OGFOD1: variants seen among roughly 807,000 people sequenced by gnomAD.
The protein encoded by OGFOD1 is prolyl 3-hydroxylase OGFOD1.
A neutral mutation model predicts 67.7 loss-of-function variants in OGFOD1; 54 were observed. The observed-to-expected ratio is 0.80, with a 90% CI of 0.64 to 1.00. The LOEUF is 1.00. Ranked by LOEUF, OGFOD1 falls within the 50% of genes least tolerant of loss-of-function variation. The probability of loss-of-function intolerance (pLI) is 0.00; values close to 1 mark genes in which losing one functional copy is unlikely to be tolerated. For missense variants in OGFOD1, 606 were observed against 646.7 expected, an observed-to-expected ratio of 0.94 and a Z score of 0.68; for synonymous variants, 221 against 227.0, an observed-to-expected ratio of 0.97 and a Z score of 0.24.
At position 56,476,271 on chromosome 16, in the gene OGFOD1, A is replaced by C; in HGVS notation, c.*66A>C. 6.7e-7 allele frequency: 1 copy of C among 1,486,072 alleles called. No homozygotes were observed. The highest frequency in any genetic ancestry group is 9.2e-7 in the Non-Finnish European group (1 of 1,092,386). The allele number at this position is 1,486,072 out of a possible 1,614,324, so 92.1% of individuals were successfully genotyped here. A position where few individuals can be genotyped will look rare whatever the true frequency, so the allele number is the denominator to read the frequency against. On this transcript the variant is annotated 3_prime_UTR_variant, in exon 13 of 13. Transcript: ENST00000566157. Reference sequence around the variant, plus strand: ...ATTACTGGGAAGTCTGAAAGAGCTAAGCATGGAGTCAAGGAGAACTACATG... The same window carrying C: ...ATTACTGGGAAGTCTGAAAGAGCTACGCATGGAGTCAAGGAGAACTACATG...
chr16:56,475,988 C>T, intron 12 of OGFOD1, 56 bp from the exon 13 acceptor site: 1 of 1,483,518 alleles, frequency 6.7e-7, no homozygotes, highest in Non-Finnish European at 9.2e-7. Flanking sequence ...GTTAATCATC[C>T]AAGATTTGAG....
intron 4 of OGFOD1, among the ~76,000 whole-genome samples, chr16:56,464,638 G>A (rs1253240578): frequency 1.3e-5 from 2 of 152,088 alleles, no homozygotes; most frequent in African/African-American, 4.8e-5. Flanking sequence ...TCATTATATT[G>A]ATGCTCATAC....
At position 56,477,369 on chromosome 16, in the gene OGFOD1, G is replaced by GC. The variant is rs1316922712; in HGVS notation, c.*1168dup. 1 of 152,108 alleles carries GC rather than the reference G, an allele frequency of 6.6e-6. No individual in the cohort carries two copies. The highest frequency in any genetic ancestry group is 1.5e-5 in the Non-Finnish European group (1 of 68,038). The allele number at this position is 152,108 out of a possible 1,614,324, so 9.4% of individuals were successfully genotyped here. On this transcript the variant is annotated 3_prime_UTR_variant, in exon 13 of 13. Coordinates refer to ENST00000566157, the MANE Select transcript of OGFOD1 (RefSeq NM_018233.4). ...GAAAGGGTCTGGCCTACCATCACAT[G>GC]CCCCAAGAAACTTCTGGTTGGTAAA...
intron 10 of OGFOD1, 133 bp from the exon 11 acceptor site, chr16:56,474,695 A>G: frequency 1.5e-6 from 1 of 653,348 alleles, no homozygotes; most frequent in Non-Finnish European, 2.5e-6. Context: ...TTGGTAGAAT[A>G]GCACTTCAAT....
intron 3 of OGFOD1, chr16:56,458,844 C>G (rs1246389228): frequency 6.4e-6 from 3 of 469,170 alleles, no homozygotes. Context: ...TGTTAGTAAT[C>G]AAGGAAACAG....
intron 11 of OGFOD1, among the ~76,000 whole-genome samples, chr16:56,475,255 CTT>C (rs1161539686): frequency 1.3e-5 from 2 of 152,134 alleles, no homozygotes; most frequent in Non-Finnish European, 2.9e-5. Flanking sequence ...TTAATTCTCT[CTT>C]AATTTTCATA....
rs1437470797 is a variant in OGFOD1 at position 56,477,815 on chromosome 16, C to T, written c.*1610C>T. ...ATAGAAAAAGCACTGGGCCTTTAAA[C>T]TTCTTAACTACTCTTCTCTTTCATC... is the stretch of plus-strand genomic sequence containing the variant. On this transcript the variant is annotated 3_prime_UTR_variant, in exon 13 of 13. Transcript: ENST00000566157. 1 of 152,114 alleles carries T rather than the reference C, an allele frequency of 6.6e-6. No homozygotes were observed. Among genetic ancestry groups the T allele is most frequent in the Non-Finnish European group, 1.5e-5 (1 of 68,020 alleles). 9.4% of individuals were successfully genotyped at this position (152,114 alleles called of 1,614,324 possible). A position where few individuals can be genotyped will look rare whatever the true frequency, so the allele number is the denominator to read the frequency against.
chr16:56,470,427 T>G, intron 9 of OGFOD1, 60 bp from the exon 10 acceptor site: 1 of 1,454,176 alleles, frequency 6.9e-7, no homozygotes, highest in Non-Finnish European at 9.4e-7. Flanking sequence ...TCAGCTTTTA[T>G]TCTGTGAGTC....
chr16:56,455,594 T>C (rs1962499566), intron 2 of OGFOD1, among the ~76,000 whole-genome samples: 1 of 152,176 alleles, frequency 6.6e-6, no homozygotes, highest in Non-Finnish European at 1.5e-5. Flanking sequence ...TCCTCATCCA[T>C]GCTCTTTTCT....
intron 12 of OGFOD1, 145 bp from the exon 13 acceptor site, chr16:56,475,899 C>A: frequency 1.4e-6 from 1 of 709,302 alleles, no homozygotes; most frequent in South Asian, 1.9e-5. Context: ...GGCTTGACAG[C>A]CACCCCTAGT....
intron 2 of OGFOD1, chr16:56,454,648 G>A: frequency 3.1e-6 from 1 of 321,474 alleles, no homozygotes; most frequent in Admixed American, 4.2e-5. Context: ...TTCAAATTGG[G>A]GGGGGAAAAA....
chr16:56,471,986 C>G (rs758509283), intron 10 of OGFOD1, among the ~76,000 whole-genome samples: 1 of 151,114 alleles, frequency 6.6e-6, no homozygotes, highest in Non-Finnish European at 1.5e-5. Context: ...TTTTGAGACA[C>G]GGTCTTGCAC....
At chr16:56,452,883 G>A (rs1040835795) in intron 1 of OGFOD1, among the ~76,000 whole-genome samples, 1 of 151,982 alleles carries the variant, frequency 6.6e-6, no homozygotes, top group Non-Finnish European at 1.5e-5. Flanking sequence ...GCAAAAGCAG[G>A]GAAACTGCCG....
intron 10 of OGFOD1, 119 bp from the exon 11 acceptor site, chr16:56,474,709 A>C: frequency 1.4e-6 from 1 of 703,472 alleles, no homozygotes. Context: ...CTTCAATCAA[A>C]GGTTTGTGGG....
rs565021050 is a variant in OGFOD1 at position 56,456,387 on chromosome 16, T to C, written c.301-2161T>C. Among the ~76,000 whole-genome samples the C allele has an allele frequency of 5.9e-5, 9 of 152,344 alleles. No individual in the cohort carries two copies. The East Asian group carries it at 1.5e-3, about 26-fold the overall frequency. Reference sequence around the variant, plus strand: ...GGGTCTCATGGCTTTGCCTCCTCTTTGATGTCTAATGAGTTTCTGACACTT... The same window carrying C: ...GGGTCTCATGGCTTTGCCTCCTCTTCGATGTCTAATGAGTTTCTGACACTT... On this transcript the variant is annotated intron_variant, in intron 2 of 12. Transcript: ENST00000566157.
chr16:56,465,225 C>G (rs1270362276), intron 4 of OGFOD1, among the ~76,000 whole-genome samples: 1 of 152,078 alleles, frequency 6.6e-6, no homozygotes, highest in Non-Finnish European at 1.5e-5. Flanking sequence ...GTCTCCAACC[C>G]CTAACCACAG....
intron 10 of OGFOD1, among the ~76,000 whole-genome samples, chr16:56,472,030 C>T (rs1963215550): frequency 6.6e-6 from 1 of 152,146 alleles, no homozygotes; most frequent in Non-Finnish European, 1.5e-5. Flanking sequence ...GGTGCAATCA[C>T]AGCTCACTGC....
chr16:56,475,085 A>T (rs1963396458), intron 11 of OGFOD1, 135 bp downstream of exon 11: 1 of 912,744 alleles, frequency 1.1e-6, no homozygotes, highest in South Asian at 1.7e-5. Context: ...TCTCAAAGTC[A>T]AAGGGATTTT....
intron 4 of OGFOD1, among the ~76,000 whole-genome samples, chr16:56,463,384 G>GTTTTTTTTTTTTTTT (rs56388148): frequency 3.9e-4 from 17 of 43,806 alleles, no homozygotes; most frequent in East Asian, 1.6e-3. Context: ...TCTTTTTTGG[G>GTTTTTTTTTTTTTTT]TTTTTTTTTT....
Sources: allele counts gnomAD v4.1 joint callset (sites outside exome capture counted in the v4.1 genomes callset), GRCh38; gene constraint gnomAD v4.1.1; transcripts MANE v1.5; gene names NCBI Gene and HGNC (gene_info 2026-07-23, HGNC 2026-07-21).